The following MARCHF10 variants were observed in gnomAD, a reference collection of about 807,000 sequenced individuals.
MARCHF10 encodes probable E3 ubiquitin-protein ligase MARCHF10.
In MARCHF10, 64 loss-of-function variants were observed where a neutral mutation model predicts 76.2. The observed-to-expected ratio is 0.84, with a 90% CI of 0.69 to 1.03. The LOEUF (loss-of-function observed/expected upper bound fraction) is 1.03. Ranked by LOEUF, MARCHF10 falls within the 50% of genes least tolerant of loss-of-function variation. MARCHF10 has a pLI of 0.00. For missense variants in MARCHF10, 875 were observed against 958.0 expected (o/e 0.91, Z 1.14); for synonymous variants, 340 against 357.5 (o/e 0.95, Z 0.55).
chr17:62,791,837 C>G (rs58862628), intron 2 of MARCHF10, among the ~76,000 whole-genome samples: 8 of 144,086 alleles, frequency 5.6e-5, no homozygotes, highest in South Asian at 4.8e-4. Context: ...TTGTGCGGGG[C>G]GGGTGGGGGG....
At chr17:62,766,393 A>G (rs1261573284) in intron 3 of MARCHF10, among the ~76,000 whole-genome samples, 1 of 152,004 alleles carries the variant, frequency 6.6e-6, no homozygotes, top group Non-Finnish European at 1.5e-5. Context: ...CCAGCTACTC[A>G]GGAGGCTGAG....
At position 62,760,004 on chromosome 17, in the gene MARCHF10, A is replaced by T; in HGVS notation, c.213T>A (p.Ser71Arg). ...RFSSRSSSKQ[S>R]SSEEDALTEP... ...CAGTTAGAGCATCCTCCTCACTAGA[A>T]CTCTACCAAAAATGAAATACGTCTG... Residue 71 changes from serine to arginine, a missense_variant and splice_region_variant, in exon 4 of 11, where the codon AGT becomes AGA. Ser to Arg is a moderately radical substitution (Grantham distance 110). Coordinates refer to ENST00000311269, the MANE Select transcript of MARCHF10 (RefSeq NM_152598.4). The T allele has an allele frequency of 6.2e-7, 1 of 1,611,880 alleles. No individual in the cohort carries two copies. Among genetic ancestry groups the T allele is most frequent in the Non-Finnish European group, 8.5e-7 (1 of 1,179,026 alleles).
At chr17:62,716,454 AG>A (rs1478577378) in intron 8 of MARCHF10, among the ~76,000 whole-genome samples, 1 of 151,668 alleles carries the variant, frequency 6.6e-6, no homozygotes, top group Non-Finnish European at 1.5e-5. Context: ...AAAGAAAAAA[AG>A]CAGGGTGTGG....
In MARCHF10 at chr17:62,737,351, C is replaced by A. The variant is rs201120605; in HGVS notation, c.536-19G>T. 9.5e-5 allele frequency: 152 copies of A among 1,593,654 alleles called. No individual in the cohort carries two copies. Among genetic ancestry groups the A allele is most frequent in the Non-Finnish European group, 1.3e-4 (147 of 1,175,578 alleles). On this transcript the variant is annotated intron_variant, in intron 5 of 10. Transcript: ENST00000311269. ...ACTTGATCTGCATTGAGAAAAGACA[C>A]ATTTATCGTTCCAGTAAAAGGGCCC...
chr17:62,792,879 CCCCT>C (rs1185100494), intron 2 of MARCHF10, among the ~76,000 whole-genome samples: 1 of 145,764 alleles, frequency 6.9e-6, no homozygotes, highest in African/African-American at 2.6e-5. Context: ...CCATCACCAT[CCCCT>C]CCATCAACCA....
chr17:62,798,187 T>A (rs2093015967), intron 2 of MARCHF10, among the ~76,000 whole-genome samples: 1 of 152,004 alleles, frequency 6.6e-6, no homozygotes, highest in Non-Finnish European at 1.5e-5. Flanking sequence ...CACAGTGACC[T>A]TGTGAACTAG....
intron 4 of MARCHF10, among the ~76,000 whole-genome samples, chr17:62,753,455 ATCT>A (rs1479515231): frequency 2.0e-5 from 3 of 152,164 alleles, no homozygotes; most frequent in South Asian, 2.1e-4. Flanking sequence ...TATCCCTGAG[ATCT>A]TCTTCAATGC....
intron 3 of MARCHF10, among the ~76,000 whole-genome samples, chr17:62,763,149 C>T (rs973324904): frequency 6.6e-6 from 1 of 152,184 alleles, no homozygotes; most frequent in African/African-American, 2.4e-5. Context: ...ACCCAGCAAG[C>T]GCCATGCAAG....
At chr17:62,764,137 A>G (rs1217604584) in intron 3 of MARCHF10, among the ~76,000 whole-genome samples, 2 of 152,230 alleles carry the variant, frequency 1.3e-5, no homozygotes, top group Non-Finnish European at 2.9e-5. Context: ...CTTAACAACT[A>G]GGACCTAACA....
chr17:62,720,414 C>T (rs751816195), intron 8 of MARCHF10, among the ~76,000 whole-genome samples: 2 of 152,208 alleles, frequency 1.3e-5, no homozygotes, highest in Non-Finnish European at 2.9e-5. Flanking sequence ...TTCTCAGTTT[C>T]TCTATCCTCC....
intron 3 of MARCHF10, among the ~76,000 whole-genome samples, chr17:62,779,862 C>T (rs2092624489): frequency 6.6e-6 from 1 of 152,122 alleles, no homozygotes; most frequent in South Asian, 2.1e-4. Flanking sequence ...TTTGGGAGGC[C>T]GAGGCGGGTG....
intron 3 of MARCHF10, among the ~76,000 whole-genome samples, chr17:62,766,471 G>C (rs2092334521): frequency 6.6e-6 from 1 of 151,944 alleles, no homozygotes; most frequent in South Asian, 2.1e-4. Context: ...TTGCACTCCA[G>C]TCTGGGCAAC....
chr17:62,779,278 A>G (rs1242839915), intron 3 of MARCHF10, among the ~76,000 whole-genome samples: 3 of 152,232 alleles, frequency 2.0e-5, no homozygotes, highest in African/African-American at 7.2e-5. Flanking sequence ...GCCTAGGGCC[A>G]GAAAGAAGAG....
In MARCHF10 at chr17:62,808,277, G is replaced by GGGGCCTT. The variant is rs2093193174; in HGVS notation, c.-219_-218insAAGGCCC. 1.3e-5 allele frequency: 2 copies of GGGGCCTT among 152,526 alleles called. No individual in the cohort carries two copies. Among genetic ancestry groups the GGGGCCTT allele is most frequent in the African/African-American group, 4.8e-5 (2 of 41,460 alleles). The allele number at this position is 152,526 out of a possible 1,614,324, so 9.4% of individuals were successfully genotyped here. On this transcript the variant is annotated 5_prime_UTR_variant, in exon 1 of 11. Coordinates refer to ENST00000311269, the MANE Select transcript of MARCHF10 (RefSeq NM_152598.4). ...CCCCGAGGCTGCTTTCCGCGGCGCCGGCCGGCCTTGCCTGGGGCGGAGGCG... is the reference window on the plus strand; with the variant it reads ...CCCCGAGGCTGCTTTCCGCGGCGCCGGGGCCTTGCCGGCCTTGCCTGGGGCGGAGGCG...
chr17:62,805,866 C>T (rs977170940), intron 1 of MARCHF10, among the ~76,000 whole-genome samples: 4 of 151,242 alleles, frequency 2.6e-5, no homozygotes, highest in Admixed American at 6.6e-5. Flanking sequence ...GAGCCAAGAT[C>T]GCACCACTGC....
chr17:62,717,039 C>T (rs1487634584), intron 8 of MARCHF10, among the ~76,000 whole-genome samples: 6 of 152,244 alleles, frequency 3.9e-5, no homozygotes, highest in Non-Finnish European at 7.3e-5. Flanking sequence ...CCTCAGTGGG[C>T]TCACCGCGCC....
chr17:62,745,303 C>T (rs1016697134), intron 4 of MARCHF10, among the ~76,000 whole-genome samples: 2 of 151,918 alleles, frequency 1.3e-5, no homozygotes, highest in African/African-American at 2.4e-5. Context: ...AGGGTTTCAC[C>T]ATGTTGGCCA....
At chr17:62,706,823 A>G (rs1437522126) in intron 9 of MARCHF10, among the ~76,000 whole-genome samples, 1 of 152,204 alleles carries the variant, frequency 6.6e-6, no homozygotes, top group Non-Finnish European at 1.5e-5. Flanking sequence ...AAGCCAGGAC[A>G]CGGGGGATGG....
intron 1 of MARCHF10, among the ~76,000 whole-genome samples, chr17:62,803,588 C>T (rs547263771): frequency 5.9e-5 from 9 of 152,044 alleles, no homozygotes; most frequent in Non-Finnish European, 1.0e-4. Flanking sequence ...GGGGCTATCT[C>T]GGCTCACCAC....
Sources: allele counts gnomAD v4.1 joint callset (sites outside exome capture counted in the v4.1 genomes callset), GRCh38; gene constraint gnomAD v4.1.1; transcripts MANE v1.5; gene names NCBI Gene and HGNC (gene_info 2026-07-23, HGNC 2026-07-21).